LRRC4C: variants seen among roughly 807,000 people sequenced by gnomAD.
LRRC4C encodes the protein leucine rich repeat containing 4C.
In LRRC4C, 5 loss-of-function variants were observed where a neutral mutation model predicts 33.6. That is an observed-to-expected ratio of 0.15 (90% CI 0.08 to 0.31). The LOEUF is 0.31. Ranked by LOEUF, LRRC4C falls within the 10% of genes least tolerant of loss-of-function variation. The probability of loss-of-function intolerance (pLI) is 1.00; values close to 1 mark genes in which losing one functional copy is unlikely to be tolerated. For synonymous variants in LRRC4C, 329 were observed against 302.0 expected (o/e 1.09, Z -0.93); for missense variants, 560 against 796.7 (o/e 0.70, Z 3.58).
At chr11:40,887,358 A>G (rs887274757) in intron 2 of LRRC4C, among the ~76,000 whole-genome samples, 1 of 152,054 alleles carries the variant, frequency 6.6e-6, no homozygotes, top group African/African-American at 2.4e-5. Context: ...ATCATTTAAA[A>G]TAGGATGACT....
At chr11:40,476,487 G>A (rs7122806) in intron 3 of LRRC4C, among the ~76,000 whole-genome samples, 75,853 of 150,894 alleles carry the variant, frequency 0.5, 19,338 homozygotes, top group East Asian at 0.72. Context: ...CTGGGACTAC[G>A]GGCACATGCC....
chr11:41,156,344 ATATCT>A (rs1488834656), intron 1 of LRRC4C, among the ~76,000 whole-genome samples: 1 of 152,194 alleles, frequency 6.6e-6, no homozygotes, highest in African/African-American at 2.4e-5. Context: ...TATTGAATAA[ATATCT>A]TACTTATAGA....
intron 2 of LRRC4C, among the ~76,000 whole-genome samples, chr11:40,774,618 C>A (rs996667844): frequency 1.3e-5 from 2 of 152,028 alleles, no homozygotes; most frequent in Admixed American, 6.6e-5. Flanking sequence ...TGATCTTTAA[C>A]CTGTGAAGAA....
intron 3 of LRRC4C, among the ~76,000 whole-genome samples, chr11:40,423,313 T>A (rs1950587743): frequency 6.6e-6 from 1 of 151,100 alleles, no homozygotes; most frequent in African/African-American, 2.4e-5. Flanking sequence ...TATTTGAATG[T>A]GAAAAGGAAG....
chr11:40,333,928 G>A (rs1409837668), intron 3 of LRRC4C, among the ~76,000 whole-genome samples: 1 of 151,842 alleles, frequency 6.6e-6, no homozygotes, highest in Non-Finnish European at 1.5e-5. Context: ...AAAAAAGGAG[G>A]AAAGGAAGAG....
chr11:40,750,111 A>G (rs924355250), intron 2 of LRRC4C, among the ~76,000 whole-genome samples: 1 of 152,012 alleles, frequency 6.6e-6, no homozygotes, highest in African/African-American at 2.4e-5. Flanking sequence ...AATCCCAGCT[A>G]TTTGGGAGGC....
At chr11:40,431,943 T>C (rs553714957) in intron 3 of LRRC4C, among the ~76,000 whole-genome samples, 1 of 152,264 alleles carries the variant, frequency 6.6e-6, no homozygotes, top group South Asian at 2.1e-4. Context: ...GTTCCAAAGA[T>C]TTATGGTCAG....
intron 1 of LRRC4C, among the ~76,000 whole-genome samples, chr11:41,216,210 T>A (rs1947055454): frequency 6.6e-6 from 1 of 152,092 alleles, no homozygotes; most frequent in South Asian, 2.1e-4. Flanking sequence ...CATTGTAAAT[T>A]TAAACAAAAT....
chr11:40,954,881 C>A (rs1020286509), intron 1 of LRRC4C, among the ~76,000 whole-genome samples: 1 of 151,764 alleles, frequency 6.6e-6, no homozygotes, highest in Non-Finnish European at 1.5e-5. Flanking sequence ...ATTACAGAAG[C>A]CCCTGTTGGT....
intron 4 of LRRC4C, among the ~76,000 whole-genome samples, chr11:40,313,105 T>G (rs568945719): frequency 4.6e-5 from 7 of 152,250 alleles, no homozygotes; most frequent in African/African-American, 1.7e-4. Flanking sequence ...CTTTTCAATC[T>G]CTACCTCTGG....
intron 1 of LRRC4C, among the ~76,000 whole-genome samples, chr11:41,186,965 C>A (rs1186087656): frequency 1.3e-5 from 2 of 152,050 alleles, no homozygotes; most frequent in Non-Finnish European, 2.9e-5. Flanking sequence ...TCTGGAAGAA[C>A]CCTGATTTTT....
At chr11:40,962,156 G>T (rs888748974) in intron 1 of LRRC4C, among the ~76,000 whole-genome samples, 1 of 151,490 alleles carries the variant, frequency 6.6e-6, no homozygotes, top group Non-Finnish European at 1.5e-5. Flanking sequence ...AAGGGCACCC[G>T]CATCAGAGAG....
chr11:40,939,325 T>C (rs1335584725), intron 1 of LRRC4C, among the ~76,000 whole-genome samples: 1 of 152,210 alleles, frequency 6.6e-6, no homozygotes, highest in East Asian at 1.9e-4. Context: ...ATCTCTTCAA[T>C]GTTTGTTATA....
intron 2 of LRRC4C, among the ~76,000 whole-genome samples, chr11:40,870,394 A>T (rs1280663697): frequency 6.6e-6 from 1 of 152,122 alleles, no homozygotes; most frequent in Non-Finnish European, 1.5e-5. Context: ...ATAATTTTAT[A>T]TTCCCTTGGG....
chr11:40,916,481 G>A (rs1956962908), intron 2 of LRRC4C, among the ~76,000 whole-genome samples: 1 of 152,056 alleles, frequency 6.6e-6, no homozygotes, highest in Non-Finnish European at 1.5e-5. Flanking sequence ...CTCACTCGTA[G>A]GTGGGAATTG....
intron 1 of LRRC4C, among the ~76,000 whole-genome samples, chr11:41,013,788 T>C (rs534023979): frequency 2.6e-5 from 4 of 152,284 alleles, no homozygotes; most frequent in African/African-American, 9.6e-5. Flanking sequence ...TTTAGTTGGC[T>C]TACAGTTCTG....
chr11:40,706,408 A>C (rs573361121), intron 2 of LRRC4C, among the ~76,000 whole-genome samples: 2 of 152,194 alleles, frequency 1.3e-5, no homozygotes, highest in South Asian at 4.1e-4. Flanking sequence ...GAAGGGATCC[A>C]GTTTCAGCTT....
At chr11:40,396,790 A>T (rs933548034) in intron 3 of LRRC4C, among the ~76,000 whole-genome samples, 1 of 152,090 alleles carries the variant, frequency 6.6e-6, no homozygotes, top group Non-Finnish European at 1.5e-5. Context: ...CATTTTAAGA[A>T]TCTGTATGCA....
At chr11:40,250,413 C>A (rs1014869264) in intron 4 of LRRC4C, among the ~76,000 whole-genome samples, 4 of 152,040 alleles carry the variant, frequency 2.6e-5, no homozygotes, top group Admixed American at 2.6e-4. Flanking sequence ...GGGCAGCAGT[C>A]CTCAAACTTT....
Sources: allele counts gnomAD v4.1 joint callset (sites outside exome capture counted in the v4.1 genomes callset), GRCh38; gene constraint gnomAD v4.1.1; transcripts MANE v1.5; gene names NCBI Gene and HGNC (gene_info 2026-07-23, HGNC 2026-07-21).